The following RYR3 variants were observed in gnomAD, a reference collection of about 807,000 sequenced individuals.
RYR3 encodes ryanodine receptor 3.
Under a neutral mutation model 584.3 loss-of-function variants are expected in RYR3, and 207 were observed. The observed-to-expected ratio is 0.35, with a 90% CI of 0.32 to 0.40. The LOEUF (loss-of-function observed/expected upper bound fraction) is 0.40. Among genes scored for constraint, RYR3 ranks in the 10% least tolerant of loss-of-function variants. The probability of loss-of-function intolerance (pLI) is 1.00; values close to 1 mark genes in which losing one functional copy is unlikely to be tolerated. For missense variants in RYR3, 5,616 were observed against 6,089.2 expected (o/e 0.92, Z 2.59); for synonymous variants, 2,416 against 2,248.5 (o/e 1.07, Z -2.11).
intron 47 of RYR3, among the ~76,000 whole-genome samples, chr15:33,730,827 G>A (rs971196442): frequency 6.6e-6 from 1 of 152,192 alleles, no homozygotes; most frequent in Non-Finnish European, 1.5e-5. Context: ...TGTACAGAAG[G>A]TCCCAAGTTT....
chr15:33,361,984 T>A (rs1441134616), intron 1 of RYR3, among the ~76,000 whole-genome samples: 1 of 152,196 alleles, frequency 6.6e-6, no homozygotes, highest in Non-Finnish European at 1.5e-5. Context: ...GGAAGGTAAC[T>A]GACTGGAGGC....
At chr15:33,703,515 T>C (rs539923061) in intron 42 of RYR3, among the ~76,000 whole-genome samples, 1 of 152,336 alleles carries the variant, frequency 6.6e-6, no homozygotes. Flanking sequence ...GTATCCTTGC[T>C]ATCTCTCTGT....
In RYR3 at chr15:33,663,522, A is replaced by C. The variant is rs748737443; in HGVS notation, c.5419-15A>C. 3.7e-6 allele frequency: 6 copies of C among 1,610,744 alleles called. No individual in the cohort carries two copies. In the Admixed American group the frequency reaches 1.0e-4, roughly 27 times the overall value. On this transcript the variant is annotated splice_polypyrimidine_tract_variant and intron_variant, in intron 35 of 103. Transcript: ENST00000634891. ...AAGTACACAAAGTGTTATCTATATAATACTTTCATTGCAGATGTGTGAGCT... is the reference window on the plus strand; with the variant it reads ...AAGTACACAAAGTGTTATCTATATACTACTTTCATTGCAGATGTGTGAGCT...
rs74540071 is a variant in RYR3, at chr15:33,670,414, G to A, written c.5723-5G>A. 1 of 1,604,572 alleles carries A rather than the reference G, an allele frequency of 6.2e-7. No homozygotes were observed. The highest frequency in any genetic ancestry group is 8.5e-7 in the Non-Finnish European group (1 of 1,177,060). On this transcript the variant is annotated splice_region_variant and splice_polypyrimidine_tract_variant and intron_variant, in intron 37 of 103. Transcript: ENST00000634891. ...GGATTTTCACCCTGTTCTGTGGCTT[G>A]CTAGGGGTTCCTTTGGAAGAAGAGG...
At chr15:33,810,223 T>C (rs1370833783) in intron 70 of RYR3, among the ~76,000 whole-genome samples, 1 of 152,200 alleles carries the variant, frequency 6.6e-6, no homozygotes, top group Non-Finnish European at 1.5e-5. Context: ...GAGTGAGCAA[T>C]AGGCGTCGGT....
intron 1 of RYR3, among the ~76,000 whole-genome samples, chr15:33,360,289 AG>A (rs59324321): frequency 0.18 from 27,200 of 151,484 alleles, 2,591 homozygotes; most frequent in East Asian, 0.33. Context: ...TCCCACTCCC[AG>A]CCCCAGGCCG....
intron 1 of RYR3, among the ~76,000 whole-genome samples, chr15:33,368,614 T>C (rs747639399): frequency 1.3e-5 from 2 of 152,120 alleles, no homozygotes; most frequent in Non-Finnish European, 2.9e-5. Flanking sequence ...TCAGTGATAA[T>C]GTTCAATATA....
At chr15:33,406,041 A>G (rs1429974153) in intron 1 of RYR3, among the ~76,000 whole-genome samples, 4 of 152,206 alleles carry the variant, frequency 2.6e-5, no homozygotes, top group African/African-American at 4.8e-5. Flanking sequence ...CCTTGAACCA[A>G]GCAGTGTACC....
intron 10 of RYR3, 99 bp downstream of exon 10, chr15:33,550,415 A>G: frequency 8.0e-7 from 1 of 1,248,174 alleles, no homozygotes; most frequent in South Asian, 1.6e-5. Context: ...GGCTGGAACA[A>G]AGTGAAATTG....
chr15:33,600,775 A>G (rs2059621014), intron 16 of RYR3, among the ~76,000 whole-genome samples: 2 of 152,152 alleles, frequency 1.3e-5, no homozygotes, highest in South Asian at 4.2e-4. Flanking sequence ...AGTCTGCCCT[A>G]CCATCACCCC....
chr15:33,701,138 C>A, intron 42 of RYR3, 58 bp downstream of exon 42: 2 of 1,163,324 alleles, frequency 1.7e-6, no homozygotes, highest in East Asian at 2.5e-5. Context: ...TGCAGCTAAG[C>A]TAAGGATAAG....
intron 1 of RYR3, among the ~76,000 whole-genome samples, chr15:33,420,215 G>C (rs2044140700): frequency 6.6e-6 from 1 of 152,144 alleles, no homozygotes; most frequent in Admixed American, 6.5e-5. Flanking sequence ...TGGGAGAGGG[G>C]AAATGGATGT....
chr15:33,595,056 A>G (rs2152539709), intron 16 of RYR3, among the ~76,000 whole-genome samples: 1 of 152,008 alleles, frequency 6.6e-6, no homozygotes, highest in East Asian at 1.9e-4. Flanking sequence ...AGGGAACCTA[A>G]TGTCTTAAAA....
At chr15:33,467,385 C>G in intron 1 of RYR3, 1 of 554,880 alleles carries the variant, frequency 1.8e-6, no homozygotes, top group Non-Finnish European at 2.3e-6. Flanking sequence ...GAGTTCCTCA[C>G]AGGTGACCCG....
chr15:33,401,893 G>A (rs2042698815), intron 1 of RYR3, among the ~76,000 whole-genome samples: 1 of 151,610 alleles, frequency 6.6e-6, no homozygotes, highest in South Asian at 2.1e-4. Flanking sequence ...GAGTGATTTT[G>A]TGTTTTCCAA....
intron 1 of RYR3, among the ~76,000 whole-genome samples, chr15:33,460,998 G>A (rs562337569): frequency 7.4e-6 from 1 of 135,686 alleles, no homozygotes; most frequent in Non-Finnish European, 1.5e-5. Context: ...AGGCTGGAGT[G>A]CAGTGGCGTG....
Position 33,861,105 on chromosome 15 carries a change from A to C in RYR3, c.14392A>C (p.Asn4798His). The C allele has an allele frequency of 1.3e-6, 2 of 1,595,598 alleles. No homozygotes were observed. The highest frequency in any genetic ancestry group is 1.7e-6 in the Non-Finnish European group (2 of 1,169,996). ...TAAATGTTTCATCTGTGGGATTGGCAATGACTACTTTGACACAACCCCTCA... is the reference window on the plus strand; with the variant it reads ...TAAATGTTTCATCTGTGGGATTGGCCATGACTACTTTGACACAACCCCTCA... ...ETKCFICGIG[N>H]DYFDTTPHGF... Residue 4798 changes from asparagine (N) to histidine (H), a missense_variant, in exon 102 of 104, where the codon AAT (asparagine) becomes CAT (histidine). By Grantham distance (68) the Asn-to-His change is moderately conservative. This residue lies in a region of RYR3 where 918 missense variants were observed against 887.4 expected (regional missense o/e 1.03). Transcript: ENST00000634891.
chr15:33,663,494 C>T (rs758648094), intron 35 of RYR3, 43 bp from the exon 36 acceptor site: 1 of 1,567,276 alleles, frequency 6.4e-7, no homozygotes, highest in Non-Finnish European at 8.7e-7. Flanking sequence ...AGCAGCCTCA[C>T]CAAAGTACAC....
intron 49 of RYR3, 112 bp downstream of exon 49, chr15:33,736,437 TC>T: frequency 1.5e-6 from 1 of 680,918 alleles, no homozygotes; most frequent in East Asian, 2.8e-5. Context: ...TGGGTTTTAC[TC>T]CCTTAAGTTG....
Sources: gnomAD v4.1 joint callset for allele counts (sites outside exome capture counted in the v4.1 genomes callset) on GRCh38, gnomAD v4.1.1 for gene constraint, gnomAD v4.1.1 regional missense constraint, MANE v1.5 for transcripts, NCBI Gene and HGNC (gene_info 2026-07-23, HGNC 2026-07-21) for gene names.